The following THRA variants were observed in gnomAD, a reference collection of about 807,000 sequenced individuals.
THRA encodes the protein thyroid hormone receptor alpha, also known as EAR-7.
Under a neutral mutation model 45.0 loss-of-function variants are expected in THRA, and 13 were observed. That is an observed-to-expected ratio of 0.29 (90% CI 0.19 to 0.46). THRA has a LOEUF of 0.46. THRA is among the 20% of genes least tolerant of loss of function. THRA has a pLI of 1.00. For missense variants in THRA, 278 were observed against 556.1 expected (o/e 0.50, Z 5.03); for synonymous variants, 195 against 214.0 (o/e 0.91, Z 0.78).
intron 1 of THRA, among the ~76,000 whole-genome samples, chr17:40,070,199 C>T (rs1025507915): frequency 6.6e-6 from 1 of 152,034 alleles, no homozygotes; most frequent in Non-Finnish European, 1.5e-5. Flanking sequence ...AGGGGTGCCG[C>T]CTCCCCTCCT....
At chr17:40,084,251 C>G (rs143341945) in intron 5 of THRA, among the ~76,000 whole-genome samples, 2 of 152,178 alleles carry the variant, frequency 1.3e-5, no homozygotes, top group East Asian at 3.8e-4. Context: ...CTCCTGGGCA[C>G]CCACTCTAGC....
At chr17:40,073,281 G>A (rs139565454) in intron 1 of THRA, among the ~76,000 whole-genome samples, 5 of 152,212 alleles carry the variant, frequency 3.3e-5, no homozygotes, top group African/African-American at 4.8e-5. Flanking sequence ...GTGCAATGCC[G>A]TAGGAATGGT....
At chr17:40,071,658 G>A (rs1018343055) in intron 1 of THRA, among the ~76,000 whole-genome samples, 2 of 152,218 alleles carry the variant, frequency 1.3e-5, no homozygotes, top group Non-Finnish European at 2.9e-5. Context: ...GAGGTACCAG[G>A]AAGGAGTTTG....
chr17:40,092,907 G>A lies in THRA; in HGVS notation c.*3451G>A. On this transcript the variant is annotated 3_prime_UTR_variant, in exon 9 of 9. Transcript: ENST00000450525. ...GGGAGGAGGGGAAGTTCGGTGATGG[G>A]GGAGGGAGGCAGGTATTTACAAGAA... is the stretch of plus-strand genomic sequence containing the variant. The A allele has an allele frequency of 6.9e-7, 1 of 1,440,074 alleles. No individual in the cohort carries two copies. The highest frequency in any genetic ancestry group is 2.4e-5 in the Admixed American group (1 of 41,066). 89.2% of individuals were successfully genotyped at this position (1,440,074 alleles called of 1,614,324 possible).
In THRA at chr17:40,074,413, G is replaced by A; in HGVS notation, c.-76G>A. 2 of 1,553,506 alleles carry A rather than the reference G, an allele frequency of 1.3e-6. No homozygotes were observed. Among genetic ancestry groups the A allele is most frequent in the Non-Finnish European group, 1.8e-6 (2 of 1,128,740 alleles). The stretch of plus-strand genomic sequence containing the variant: ...GGTGGCAGGGGGTGGGTGGCCTGTG[G>A]GTGTGCCGGGGGGGCCAGTGTGCCC... On this transcript the variant is annotated 5_prime_UTR_variant, in exon 2 of 9. Coordinates refer to ENST00000450525, the MANE Select transcript of THRA (RefSeq NM_199334.5).
At chr17:40,077,740 C>A (rs1376652174) in intron 4 of THRA, 132 bp downstream of exon 4, 2 of 694,700 alleles carry the variant, frequency 2.9e-6, no homozygotes, top group East Asian at 5.5e-5. Flanking sequence ...TCTTGTCCCC[C>A]AGGCTGGAGT....
chr17:40,090,607 C>T lies in THRA; in HGVS notation c.*1151C>T, dbSNP rs1417467530. 1 of 142,672 alleles carries T rather than the reference C, an allele frequency of 7.0e-6. No individual in the cohort carries two copies. Among genetic ancestry groups the T allele is most frequent in the African/African-American group, 2.5e-5 (1 of 39,942 alleles). 8.8% of individuals were successfully genotyped at this position (142,672 alleles called of 1,614,324 possible). On this transcript the variant is annotated 3_prime_UTR_variant, in exon 9 of 9. Coordinates refer to ENST00000450525, the MANE Select transcript of THRA (RefSeq NM_199334.5). ...CGTGAGCGTCTCCCAGAACCCTCCA[C>T]CCCTTTAGCACTCTGTTTCCCTGTT...
chr17:40,071,278 G>C (rs1986765773), intron 1 of THRA, among the ~76,000 whole-genome samples: 1 of 152,226 alleles, frequency 6.6e-6, no homozygotes, highest in South Asian at 2.1e-4. Context: ...AGTATTGGGG[G>C]TTAGATCCTG....
intron 7 of THRA, among the ~76,000 whole-genome samples, chr17:40,087,288 GACACACACACACAGATACAGAC>G (rs1163913533): frequency 1.8e-5 from 2 of 110,450 alleles, no homozygotes; most frequent in Non-Finnish European, 3.6e-5. Context: ...CAGATACATA[GACACACACACACAGATACAGAC>G]ACACACACAC....
intron 1 of THRA, among the ~76,000 whole-genome samples, chr17:40,072,364 C>G (rs1986807041): frequency 6.6e-6 from 1 of 152,170 alleles, no homozygotes; most frequent in Non-Finnish European, 1.5e-5. Context: ...CCGGGGCTGC[C>G]CCTCTCTCAG....
At chr17:40,069,755 G>A (rs941249262) in intron 1 of THRA, among the ~76,000 whole-genome samples, 2 of 152,018 alleles carry the variant, frequency 1.3e-5, no homozygotes, top group South Asian at 2.1e-4. Context: ...TCCAGCATGG[G>A]TGTGGGCATG....
In THRA at chr17:40,083,922, C is replaced by T. The variant is rs1267072031; in HGVS notation, c.310C>T (p.Arg104Cys). 6.2e-7 allele frequency: 1 copy of T among 1,613,820 alleles called. No individual in the cohort carries two copies. The highest frequency in any genetic ancestry group is 1.3e-5 in the African/African-American group (1 of 74,910). The change falls in exon 5 of 9, where the codon CGC (arginine) becomes TGC (cysteine). Residue 104 changes from arginine (R) to cysteine (C), a missense_variant. This residue lies in a region of THRA where 111 missense variants were observed against 167.1 expected (regional missense o/e 0.66). Transcript: ENST00000450525. Reference protein sequence around the residue: ...DSCCVIDKITRNQCQLCRFKK... With the variant: ...DSCCVIDKITCNQCQLCRFKK... Reference sequence around the variant, plus strand: ...CTGCTGTGTCATTGACAAGATCACCCGCAATCAGTGCCAGCTGTGCCGCTT... The same window carrying T: ...CTGCTGTGTCATTGACAAGATCACCTGCAATCAGTGCCAGCTGTGCCGCTT...
intron 2 of THRA, among the ~76,000 whole-genome samples, chr17:40,075,725 A>G (rs1057221885): frequency 3.9e-5 from 6 of 152,110 alleles, no homozygotes; most frequent in Non-Finnish European, 7.4e-5. Flanking sequence ...CTACACTCAG[A>G]GGCTGTGAGT....
chr17:40,080,754 A>C (rs1598394325), intron 4 of THRA, among the ~76,000 whole-genome samples: 5 of 121,888 alleles, frequency 4.1e-5, no homozygotes, highest in East Asian at 2.3e-4. Flanking sequence ...ACGGAGTCTC[A>C]CTCTGTCACC....
intron 1 of THRA, 40 bp downstream of exon 1, chr17:40,063,132 C>T (rs1333598198): frequency 2.0e-5 from 3 of 152,280 alleles, no homozygotes; most frequent in East Asian, 3.8e-4. Context: ...TATGCAAATG[C>T]CTTGCGATTG....
chr17:40,093,142 G>A (rs200279652), downstream of THRA: 6 of 1,614,088 alleles, frequency 3.7e-6, no homozygotes, highest in Non-Finnish European at 4.2e-6. This position sits in a 1 kb window ranked among gnomAD's most constrained non-coding sequence, Gnocchi z 5.9. Context: ...TTCAGGGTCC[G>A]CAGGTCCGGC....
At chr17:40,093,402 G>A, downstream of THRA, 1 of 1,603,302 alleles carries the variant, frequency 6.2e-7, no homozygotes, top group East Asian at 2.2e-5. This position sits in a 1 kb window ranked among gnomAD's most constrained non-coding sequence, Gnocchi z 5.9. Flanking sequence ...GAAGGCCGAT[G>A]GGGAAGGAGA....
intron 4 of THRA, among the ~76,000 whole-genome samples, chr17:40,082,739 T>C (rs1987184549): frequency 6.9e-6 from 1 of 143,916 alleles, no homozygotes; most frequent in South Asian, 2.2e-4. Context: ...TGATAACTGC[T>C]ACACTATAGA....
At chr17:40,078,681 T>C (rs1001860059) in intron 4 of THRA, among the ~76,000 whole-genome samples, 14 of 150,878 alleles carry the variant, frequency 9.3e-5, no homozygotes, top group Admixed American at 2.0e-4. Flanking sequence ...ATGTGGTTCA[T>C]GGACCACCTG....
Sources: gnomAD v4.1 joint callset for allele counts (sites outside exome capture counted in the v4.1 genomes callset) on GRCh38, gnomAD v4.1.1 for gene constraint, gnomAD v4.1.1 regional missense constraint, Gnocchi (gnomAD v3.1) non-coding constraint, MANE v1.5 for transcripts, NCBI Gene and HGNC (gene_info 2026-07-23, HGNC 2026-07-21) for gene names.